Variants in RABGAP1L observed in about 807,000 individuals in gnomAD.
The protein encoded by RABGAP1L is RAB GTPase activating protein 1 like.
RABGAP1L carries 63 observed loss-of-function variants against 137.7 expected under a neutral mutation model. That is an observed-to-expected ratio of 0.46 (90% CI 0.37 to 0.56). The LOEUF (loss-of-function observed/expected upper bound fraction) is 0.56. Among genes scored for constraint, RABGAP1L ranks in the 20% least tolerant of loss-of-function variants. The probability of loss-of-function intolerance (pLI) is 0.00; values close to 1 mark genes in which losing one functional copy is unlikely to be tolerated. For synonymous variants in RABGAP1L, 431 were observed against 433.7 expected, an observed-to-expected ratio of 0.99 and a Z score of 0.08; for missense variants, 1,095 against 1,244.0, an observed-to-expected ratio of 0.88 and a Z score of 1.80.
intron 21 of RABGAP1L, among the ~76,000 whole-genome samples, chr1:174,970,737 A>T (rs2149366672): frequency 6.6e-6 from 1 of 152,202 alleles, no homozygotes; most frequent in East Asian, 1.9e-4. Context: ...TATCCTAAAA[A>T]AAAAAGATCT....
intron 18 of RABGAP1L, among the ~76,000 whole-genome samples, chr1:174,764,873 C>T (rs576854902): frequency 3.3e-4 from 51 of 152,330 alleles, no homozygotes; most frequent in East Asian, 2.5e-3. Flanking sequence ...GGGGGCACCC[C>T]ACTCTCTTGA....
Position 174,219,300 on chromosome 1 carries a change from T to C in RABGAP1L, c.138+5T>C. ...GAAGAAAAACCTCAACTGAAGGTAT[T>C]TTTTTCTTTTCTACATATGGTATAA... On this transcript the variant is annotated splice_donor_5th_base_variant and intron_variant, in intron 2 of 25. Coordinates refer to ENST00000681986, the MANE Select transcript of RABGAP1L (RefSeq NM_001366446.1). 1 of 1,540,122 alleles carries C rather than the reference T, an allele frequency of 6.5e-7. No individual in the cohort carries two copies. Among genetic ancestry groups the C allele is most frequent in the Non-Finnish European group, 8.8e-7 (1 of 1,139,142 alleles).
At chr1:174,217,837 C>A (rs981659975) in intron 1 of RABGAP1L, among the ~76,000 whole-genome samples, 2 of 152,030 alleles carry the variant, frequency 1.3e-5, no homozygotes, top group African/African-American at 4.8e-5. Flanking sequence ...TTAAAAGATA[C>A]ACATGTAACT....
chr1:174,439,703 T>G (rs913465365), intron 13 of RABGAP1L, among the ~76,000 whole-genome samples: 1 of 152,238 alleles, frequency 6.6e-6, no homozygotes, highest in Non-Finnish European at 1.5e-5. Flanking sequence ...TATTCTGAGC[T>G]TCACATAGAC....
chr1:174,332,747 T>C (rs978442000), intron 11 of RABGAP1L, among the ~76,000 whole-genome samples: 3 of 152,068 alleles, frequency 2.0e-5, no homozygotes, highest in Non-Finnish European at 2.9e-5. Flanking sequence ...TTAGTACAGC[T>C]GTTGTGGAAA....
At chr1:174,728,515 A>G (rs962836679) in intron 17 of RABGAP1L, among the ~76,000 whole-genome samples, 2 of 152,176 alleles carry the variant, frequency 1.3e-5, no homozygotes, top group African/African-American at 4.8e-5. Context: ...ATGGATTGGA[A>G]GAATCGGTAT....
chr1:174,688,600 G>A (rs560114182), intron 15 of RABGAP1L, among the ~76,000 whole-genome samples: 1 of 152,166 alleles, frequency 6.6e-6, no homozygotes, highest in East Asian at 1.9e-4. Flanking sequence ...CAAAATACAT[G>A]TATTACTTTT....
chr1:174,266,663 T>G (rs1217483874), intron 7 of RABGAP1L, among the ~76,000 whole-genome samples: 3 of 152,174 alleles, frequency 2.0e-5, no homozygotes, highest in Non-Finnish European at 4.4e-5. Context: ...TCTTCCAAAG[T>G]CTGTTGGTGA....
At chr1:174,551,254 G>A (rs897379366) in intron 13 of RABGAP1L, among the ~76,000 whole-genome samples, 3 of 151,316 alleles carry the variant, frequency 2.0e-5, no homozygotes, top group Admixed American at 6.6e-5. Context: ...CCCAACAAGA[G>A]TAGAATATGA....
chr1:174,217,777 G>A (rs1669448968), intron 1 of RABGAP1L, among the ~76,000 whole-genome samples: 1 of 152,044 alleles, frequency 6.6e-6, no homozygotes. Context: ...TCTTTATTTT[G>A]ATATTCTTGA....
chr1:174,327,982 C>CGT (rs1558136076), intron 11 of RABGAP1L, among the ~76,000 whole-genome samples: 1 of 24,758 alleles, frequency 4.0e-5, no homozygotes, highest in African/African-American at 1.5e-4. Flanking sequence ...TATATATACA[C>CGT]ACACATATAT....
chr1:174,361,703 A>C (rs561816083), intron 11 of RABGAP1L, among the ~76,000 whole-genome samples: 1 of 152,140 alleles, frequency 6.6e-6, no homozygotes, highest in African/African-American at 2.4e-5. Flanking sequence ...TTTTCCAAGC[A>C]TAAGATCGTA....
At chr1:174,337,281 G>A (rs975791678) in intron 11 of RABGAP1L, among the ~76,000 whole-genome samples, 16 of 152,036 alleles carry the variant, frequency 1.1e-4, no homozygotes, top group Middle Eastern at 3.2e-3. Context: ...ATTTCGTTGC[G>A]GCTTTAGAAC....
chr1:174,656,461 A>AAATAG (rs1321381464), intron 14 of RABGAP1L, among the ~76,000 whole-genome samples: 3 of 152,212 alleles, frequency 2.0e-5, no homozygotes, highest in Admixed American at 1.3e-4. Flanking sequence ...CCTTCTCAAT[A>AAATAG]AATAGAATAG....
intron 19 of RABGAP1L, among the ~76,000 whole-genome samples, chr1:174,827,611 C>T (rs1474886523): frequency 1.4e-5 from 2 of 147,654 alleles, no homozygotes; most frequent in African/African-American, 2.5e-5. Context: ...TGACAGTTTC[C>T]TATTTTTGTC....
intron 17 of RABGAP1L, 107 bp from the exon 18 acceptor site, chr1:174,752,206 A>T (rs1281272682): frequency 1.1e-5 from 9 of 844,916 alleles, no homozygotes; most frequent in Non-Finnish European, 1.7e-5. Flanking sequence ...GTTTGTGAAG[A>T]TGAAAGCAAT....
chr1:174,835,713 A>G (rs781405174), intron 19 of RABGAP1L, among the ~76,000 whole-genome samples: 5 of 152,206 alleles, frequency 3.3e-5, no homozygotes, highest in South Asian at 2.1e-4. Context: ...AGGGATTGTG[A>G]TGAGCAAACT....
intron 13 of RABGAP1L, among the ~76,000 whole-genome samples, chr1:174,506,500 T>C (rs1661827961): frequency 6.6e-6 from 1 of 152,220 alleles, no homozygotes; most frequent in African/African-American, 2.4e-5. Context: ...GTTGTGTTTC[T>C]GTGCAGTAAC....
chr1:174,583,402 G>A (rs1247697491), intron 13 of RABGAP1L, among the ~76,000 whole-genome samples: 1 of 152,108 alleles, frequency 6.6e-6, no homozygotes, highest in Non-Finnish European at 1.5e-5. Context: ...TGTGTTCTAA[G>A]ATAGTGGTGA....
Sources: gnomAD v4.1 joint callset for allele counts (sites outside exome capture counted in the v4.1 genomes callset) on GRCh38, gnomAD v4.1.1 for gene constraint, MANE v1.5 for transcripts, NCBI Gene and HGNC (gene_info 2026-07-23, HGNC 2026-07-21) for gene names.